Variants in RBFOX1 observed in about 807,000 individuals in gnomAD.
RBFOX1 encodes RNA binding fox-1 homolog 1.
A neutral mutation model predicts 57.7 loss-of-function variants in RBFOX1; 8 were observed. The observed-to-expected ratio is 0.14, with a 90% confidence interval of 0.08 to 0.25. The LOEUF (loss-of-function observed/expected upper bound fraction) is 0.25, where lower values mean the gene tolerates loss of function less well. RBFOX1 is among the 10% of genes least tolerant of loss of function. The pLI is 1.00. For missense variants in RBFOX1, 611 were observed against 548.5 expected, an observed-to-expected ratio of 1.11 and a Z score of -1.14; for synonymous variants, 326 against 222.4, an observed-to-expected ratio of 1.47 and a Z score of -4.15.
At chr16:6,829,515 A>T (rs2092531842) in intron 3 of RBFOX1, among the ~76,000 whole-genome samples, 1 of 151,500 alleles carries the variant, frequency 6.6e-6, no homozygotes, top group Admixed American at 6.6e-5. Flanking sequence ...GTTAACTTAT[A>T]GGTACTTAGT....
intron 1 of RBFOX1, among the ~76,000 whole-genome samples, chr16:5,386,126 G>A (rs1352624673): frequency 1.3e-5 from 2 of 151,210 alleles, no homozygotes; most frequent in Non-Finnish European, 2.9e-5. Flanking sequence ...TTTTGGAGGG[G>A]GAGTTTATTT....
chr16:6,651,442 T>G (rs1454187635), intron 2 of RBFOX1, among the ~76,000 whole-genome samples: 2 of 152,180 alleles, frequency 1.3e-5, no homozygotes, highest in Admixed American at 6.5e-5. Context: ...TGGACTCCTG[T>G]GGTAGCCCCC....
chr16:5,459,125 G>A (rs966533985), intron 1 of RBFOX1, among the ~76,000 whole-genome samples: 1 of 152,176 alleles, frequency 6.6e-6, no homozygotes, highest in Non-Finnish European at 1.5e-5. Flanking sequence ...AGTCTCTGGT[G>A]AACCTCCCCT....
At chr16:6,965,844 C>A (rs928180418) in intron 3 of RBFOX1, among the ~76,000 whole-genome samples, 1 of 151,768 alleles carries the variant, frequency 6.6e-6, no homozygotes, top group Non-Finnish European at 1.5e-5. Flanking sequence ...CTGTCGCATC[C>A]ATGGGGATAA....
In RBFOX1 at chr16:6,261,907, A is replaced by G. The variant is rs1431162259; in HGVS notation, c.-126-55088A>G. Among the ~76,000 whole-genome samples, 3 of 152,088 alleles carry G rather than the reference A, an allele frequency of 2.0e-5. No homozygotes were observed. The East Asian group carries it at 5.8e-4, about 29-fold the overall frequency. ...TAGCTGGGCATGGTGGCACACATCG[A>G]TAATCCCAGATACTTGGGAGGCTGA... On this transcript the variant is annotated intron_variant, in intron 1 of 15. Transcript: ENST00000550418.
At chr16:7,028,751 A>C (rs191584010) in intron 3 of RBFOX1, among the ~76,000 whole-genome samples, 17 of 151,804 alleles carry the variant, frequency 1.1e-4, no homozygotes, top group African/African-American at 3.9e-4. Context: ...TGTAATAGGG[A>C]CGTGGAGGTT....
At chr16:5,437,534 A>C (rs888044635) in intron 1 of RBFOX1, among the ~76,000 whole-genome samples, 2 of 152,182 alleles carry the variant, frequency 1.3e-5, no homozygotes, top group African/African-American at 4.8e-5. Context: ...ACCATAGATG[A>C]ATCTCTAAGA....
At chr16:6,301,630 A>C (rs1285618281) in intron 1 of RBFOX1, among the ~76,000 whole-genome samples, 3 of 152,094 alleles carry the variant, frequency 2.0e-5, no homozygotes, top group African/African-American at 4.8e-5. Context: ...AAATCTCTAT[A>C]ATTTTCTCTT....
At chr16:6,574,604 A>G (rs905490896) in intron 2 of RBFOX1, among the ~76,000 whole-genome samples, 3 of 148,586 alleles carry the variant, frequency 2.0e-5, no homozygotes, top group Non-Finnish European at 3.0e-5. Flanking sequence ...AATTTTTTGT[A>G]TTTTTAGTAG....
At chr16:5,585,180 C>A (rs1171777338) in intron 2 of RBFOX1, among the ~76,000 whole-genome samples, 1 of 152,180 alleles carries the variant, frequency 6.6e-6, no homozygotes, top group Non-Finnish European at 1.5e-5. Context: ...CTGCCCTCCC[C>A]CCGTCCCTGG....
chr16:7,184,411 G>A (rs540892579), intron 4 of RBFOX1, among the ~76,000 whole-genome samples: 88 of 152,290 alleles, frequency 5.8e-4, no homozygotes, highest in Non-Finnish European at 1.2e-3. Context: ...ACATGATGGT[G>A]GTTATAGCAT....
intron 1 of RBFOX1, among the ~76,000 whole-genome samples, chr16:5,441,543 T>A (rs2068084724): frequency 6.6e-6 from 1 of 152,032 alleles, no homozygotes; most frequent in Non-Finnish European, 1.5e-5. Flanking sequence ...TTTTGTATTT[T>A]TAGTAGAGAT....
chr16:5,714,852 TGAGCCAAGGTCACG>T (rs1272156242), intron 3 of RBFOX1, among the ~76,000 whole-genome samples: 3 of 152,312 alleles, frequency 2.0e-5, no homozygotes, highest in African/African-American at 7.2e-5. Flanking sequence ...AGAGGAGCAG[TGAGCCAAGGTCACG>T]TAGCTAGTAG....
At chr16:7,355,959 A>C (rs1046878421) in intron 4 of RBFOX1, among the ~76,000 whole-genome samples, 1 of 152,162 alleles carries the variant, frequency 6.6e-6, no homozygotes, top group African/African-American at 2.4e-5. Flanking sequence ...ATTTTCTTTC[A>C]GTGAGAGAGG....
chr16:7,515,068 C>G (rs2076059609), intron 4 of RBFOX1, among the ~76,000 whole-genome samples: 1 of 152,092 alleles, frequency 6.6e-6, no homozygotes, highest in Non-Finnish European at 1.5e-5. Context: ...GAGGCAGAAA[C>G]AGATCTTTGA....
At chr16:6,915,309 C>G (rs1351783507) in intron 3 of RBFOX1, among the ~76,000 whole-genome samples, 3 of 152,114 alleles carry the variant, frequency 2.0e-5, no homozygotes, top group African/African-American at 4.8e-5. Context: ...GTGTTGCGGA[C>G]TAGGGAGCTA....
In RBFOX1 at chr16:6,019,792, C is replaced by T. The variant is rs186572411; in HGVS notation, c.-327C>T. 2,770 of 1,476,528 alleles carry T rather than the reference C, an allele frequency of 1.9e-3. 6 individuals carry two copies. Among genetic ancestry groups the T allele is most frequent in the Non-Finnish European group, 2.4e-3 (2,669 of 1,112,174 alleles). 91.5% of individuals were successfully genotyped at this position (1,476,528 alleles called of 1,614,324 possible). A position where few individuals can be genotyped will look rare whatever the true frequency, so the allele number is the denominator to read the frequency against. On this transcript the variant is annotated 5_prime_UTR_variant, in exon 1 of 16. Transcript: ENST00000550418. The surrounding 1 kb of genome is among the most constrained non-coding windows in gnomAD (Gnocchi z 4.2). Reference sequence around the variant, plus strand: ...GTGGCCGCCAGGGTCCCCGCCTGTCCGGACCCTCGCCGCGCCCAGGCAGGC... The same window carrying T: ...GTGGCCGCCAGGGTCCCCGCCTGTCTGGACCCTCGCCGCGCCCAGGCAGGC...
intron 6 of RBFOX1, among the ~76,000 whole-genome samples, chr16:7,580,878 C>G (rs770723250): frequency 6.6e-6 from 1 of 152,188 alleles, no homozygotes; most frequent in Non-Finnish European, 1.5e-5. Context: ...ACATCCTTAA[C>G]ATTTGACTTA....
chr16:5,954,902 C>G lies in RBFOX1; in HGVS notation c.351+87567C>G, dbSNP rs145670299. Among the ~76,000 whole-genome samples the G allele has an allele frequency of 6.9e-3, 1,050 of 151,908 alleles. 11 individuals carry two copies. The highest frequency in any genetic ancestry group is 0.051 in the Middle Eastern group (15 of 294). The stretch of plus-strand genomic sequence containing the variant: ...ACTTGAAATTTAGGCAAGGGTCTCA[C>G]TGTTTCTAAGTGAACAGCACCATTC... On this transcript the variant is annotated intron_variant, in intron 4 of 19. Coordinates refer to the RBFOX1 transcript ENST00000641259.
Sources: allele counts gnomAD v4.1 joint callset (sites outside exome capture counted in the v4.1 genomes callset), GRCh38; gene constraint gnomAD v4.1.1; non-coding constraint Gnocchi (gnomAD v3.1); transcripts MANE v1.5; gene names NCBI Gene and HGNC (gene_info 2026-07-23, HGNC 2026-07-21).